Variants in ANKRD24 observed in about 807,000 individuals in gnomAD.
ANKRD24 encodes ankyrin repeat domain 24, also known as ankyrin repeat domain-containing protein 24.
Under a neutral mutation model 127.8 loss-of-function variants are expected in ANKRD24, and 109 were observed. That is an observed-to-expected ratio of 0.85 (90% confidence interval 0.73 to 1.00). ANKRD24 has a LOEUF of 1.00. Among genes scored for constraint, ANKRD24 ranks in the 50% least tolerant of loss-of-function variants. The pLI, the probability that ANKRD24 is intolerant of heterozygous loss-of-function variation, is 0.00. For synonymous variants in ANKRD24, 743 were observed against 671.1 expected (o/e 1.11, Z -1.66); for missense variants, 1,648 against 1,570.2 (o/e 1.05, Z -0.84).
In ANKRD24 at chr19:4,182,965, TTGTGTGTGTG is replaced by T. The variant is rs57280997; in HGVS notation, c.-37+250_-37+259del. 1.0e-3 allele frequency among the ~76,000 whole-genome samples: 142 copies of T among 138,682 alleles called. 1 individual carries two copies. In the South Asian group the frequency reaches 0.011, roughly 10 times the overall value. 91.0% of individuals were successfully genotyped at this position (138,682 alleles called of 152,430 possible). Reference sequence around the variant, plus strand: ...ACGCAGAGTTACCTGAATATCTCATTTGTGTGTGTGTGTGTGTGTGTGTGTGTGTGTGTGA... The same window carrying T: ...ACGCAGAGTTACCTGAATATCTCATTTGTGTGTGTGTGTGTGTGTGTGTGA... On this transcript the variant is annotated intron_variant, in intron 1 of 21. Coordinates refer to ENST00000318934, the MANE Select transcript of ANKRD24 (RefSeq NM_001393985.1).
Position 4,198,340 on chromosome 19 carries a change from C to A in ANKRD24, c.37-1343C>A. On this transcript the variant is annotated intron_variant, in intron 2 of 21. Transcript: ENST00000318934. This position sits in a 1 kb window ranked among gnomAD's most constrained non-coding sequence, Gnocchi z 6.1. ...GAGGGCAAGGGGGAGGGGGCGGCACCAGGGAGGGCGGGACCGGGCGGGCGG... is the reference window on the plus strand; with the variant it reads ...GAGGGCAAGGGGGAGGGGGCGGCACAAGGGAGGGCGGGACCGGGCGGGCGG... The A allele has an allele frequency of 1.7e-5, 1 of 58,322 alleles. No individual in the cohort carries two copies. The highest frequency in any genetic ancestry group is 3.3e-5 in the Non-Finnish European group (1 of 30,536). 3.6% of individuals were successfully genotyped at this position (58,322 alleles called of 1,614,324 possible). A position where few individuals can be genotyped will look rare whatever the true frequency, so the allele number is the denominator to read the frequency against.
At chr19:4,200,455 G>A (rs921308413) in intron 5 of ANKRD24, among the ~76,000 whole-genome samples, 3 of 152,066 alleles carry the variant, frequency 2.0e-5, no homozygotes, top group African/African-American at 7.2e-5. Flanking sequence ...GGAAGTAGCT[G>A]GCATGGGGAA....
Position 4,195,239 on chromosome 19 carries a change from AT to A in ANKRD24, c.37-4438del, listed in dbSNP as rs796819139. Among the ~76,000 whole-genome samples, 7 of 151,662 alleles carry A rather than the reference AT, an allele frequency of 4.6e-5. No homozygotes were observed. Among genetic ancestry groups the A allele is most frequent in the Non-Finnish European group, 7.4e-5 (5 of 67,910 alleles). ...AGGCGCCCACCACCACGCCCGGCTA[AT>A]TTTTTGTATTTTTAGTAGAGACGGG... On this transcript the variant is annotated intron_variant, in intron 2 of 21. Coordinates refer to ENST00000318934, the MANE Select transcript of ANKRD24 (RefSeq NM_001393985.1). The surrounding 1 kb of genome is among the most constrained non-coding windows in gnomAD (Gnocchi z 4.2).
intron 7 of ANKRD24, among the ~76,000 whole-genome samples, 158 bp downstream of exon 7, chr19:4,203,084 G>A (rs112467646): frequency 1.3e-3 from 191 of 150,436 alleles, no homozygotes; most frequent in African/African-American, 4.6e-3. Flanking sequence ...GTCTCACTCT[G>A]TTGCCCAGGC....
At chr19:4,210,398 G>GGGAGATT (rs1969652397) in intron 13 of ANKRD24, 26 bp downstream of exon 13, 5 of 1,442,898 alleles carry the variant, frequency 3.5e-6, no homozygotes, top group Non-Finnish European at 4.6e-6. Flanking sequence ...AGATTTGGGC[G>GGGAGATT]TGGGCCAGCC....
Position 4,203,030 on chromosome 19 carries a change from C to T in ANKRD24, c.466+104C>T. On this transcript the variant is annotated intron_variant, in intron 7 of 21. Transcript: ENST00000318934. The stretch of plus-strand genomic sequence containing the variant: ...GGGACCTGACCTGCTGTGAAGCTTC[C>T]TGTCTCCTCCTTTCTTTCTTTCTTT... 5.5e-6 allele frequency: 5 copies of T among 916,760 alleles called. No individual in the cohort carries two copies. The South Asian group carries it at 9.8e-5, about 18-fold the overall frequency. 56.8% of individuals were successfully genotyped at this position (916,760 alleles called of 1,614,324 possible). A position where few individuals can be genotyped will look rare whatever the true frequency, so the allele number is the denominator to read the frequency against.
At chr19:4,200,259 C>T in intron 5 of ANKRD24, 88 bp downstream of exon 5, 1 of 1,363,178 alleles carries the variant, frequency 7.3e-7, no homozygotes, top group Non-Finnish European at 9.9e-7. Context: ...TCCCAGGTCT[C>T]AATGTTCCCC....
At chr19:4,215,400 A>G (rs1202412250) in intron 15 of ANKRD24, among the ~76,000 whole-genome samples, 2 of 150,840 alleles carry the variant, frequency 1.3e-5, no homozygotes, top group Non-Finnish European at 2.9e-5. Flanking sequence ...CGGGAGAATC[A>G]CTTGAATCTG....
intron 19 of ANKRD24, among the ~76,000 whole-genome samples, chr19:4,222,157 G>A (rs924901733): frequency 6.6e-6 from 1 of 152,222 alleles, no homozygotes; most frequent in Non-Finnish European, 1.5e-5. Flanking sequence ...GGGAGGCCCA[G>A]GCAAGTGGAT....
intron 1 of ANKRD24, among the ~76,000 whole-genome samples, chr19:4,184,244 G>C (rs1209409327): frequency 6.6e-6 from 1 of 152,238 alleles, no homozygotes; most frequent in Non-Finnish European, 1.5e-5. Flanking sequence ...CCAGCTGGGA[G>C]TGGGTAACCG....
rs759324121 is a variant in ANKRD24, at chr19:4,202,889, C to T, written c.429C>T (p.Val143=). 2.5e-5 allele frequency: 39 copies of T among 1,591,024 alleles called. No homozygotes were observed. Among genetic ancestry groups the T allele is most frequent in the East Asian group, 1.6e-4 (7 of 43,478 alleles). Residue 143 remains valine (V), a synonymous_variant, in exon 7 of 22, where the codon GTC becomes GTT. Coordinates refer to ENST00000318934, the MANE Select transcript of ANKRD24 (RefSeq NM_001393985.1). Reference sequence around the variant, plus strand: ...CCCAGGCTTCCTGCGTGGTGGACGTCGTGGACAGCAGCGGGTGGACTGCCC... The same window carrying T: ...CCCAGGCTTCCTGCGTGGTGGACGTTGTGGACAGCAGCGGGTGGACTGCCC... ...QLLQASCVVD[V]VDSSGWTALH... is the part of the protein sequence containing the mutation.
At chr19:4,186,177 C>A in intron 1 of ANKRD24, 1 of 1,139,102 alleles carries the variant, frequency 8.8e-7, no homozygotes, top group Non-Finnish European at 1.2e-6. Flanking sequence ...TCATTTCTGT[C>A]ACTGTATAGA....
At chr19:4,187,828 G>A (rs184020737) in intron 2 of ANKRD24, among the ~76,000 whole-genome samples, 35 of 152,286 alleles carry the variant, frequency 2.3e-4, no homozygotes, top group Admixed American at 4.6e-4. Context: ...AGGTGGCACC[G>A]GAGCAGAGCC....
chr19:4,224,559 C>G lies in ANKRD24; in HGVS notation c.*54C>G, dbSNP rs1221639307. On this transcript the variant is annotated 3_prime_UTR_variant, in exon 22 of 22. Coordinates refer to ENST00000318934, the MANE Select transcript of ANKRD24 (RefSeq NM_001393985.1). ...CCACACCCACGCAGGGACCTCACCCCCCTGCAGGCCCCTTGCAGACCGGCT... is the reference window on the plus strand; with the variant it reads ...CCACACCCACGCAGGGACCTCACCCGCCTGCAGGCCCCTTGCAGACCGGCT... 2.7e-6 allele frequency: 4 copies of G among 1,500,288 alleles called. No individual in the cohort carries two copies. Among genetic ancestry groups the G allele is most frequent in the East Asian group, 4.8e-5 (2 of 41,256 alleles). The allele number at this position is 1,500,288 out of a possible 1,614,324, so 92.9% of individuals were successfully genotyped here. A position where few individuals can be genotyped will look rare whatever the true frequency, so the allele number is the denominator to read the frequency against.
In ANKRD24 at chr19:4,203,182, G is replaced by A. The variant is rs138879176; in HGVS notation, c.466+256G>A. Among the ~76,000 whole-genome samples the A allele has an allele frequency of 7.4e-3, 1,125 of 152,114 alleles. 12 individuals carry two copies. Among genetic ancestry groups the A allele is most frequent in the African/African-American group, 0.026 (1,086 of 41,506 alleles). ...CCTGCCTCAGCCTCCCGAGTAGCTGGGACTAGAGGCACCTGCCACCACACC... is the reference window on the plus strand; with the variant it reads ...CCTGCCTCAGCCTCCCGAGTAGCTGAGACTAGAGGCACCTGCCACCACACC... On this transcript the variant is annotated intron_variant, in intron 7 of 21. Transcript: ENST00000318934.
At position 4,219,609 on chromosome 19, in the gene ANKRD24, T is replaced by A. The variant is rs1970333818; in HGVS notation, c.3022T>A (p.Phe1008Ile). 4.3e-6 allele frequency: 7 copies of A among 1,612,582 alleles called. No individual in the cohort carries two copies. The highest frequency in any genetic ancestry group is 5.9e-6 in the Non-Finnish European group (7 of 1,178,990). Reference protein sequence around the residue: ...EVFQVQREALFMKSERHAAEA... With the variant: ...EVFQVQREALIMKSERHAAEA... The stretch of plus-strand genomic sequence containing the variant: ...GCCACAGGTGCAGCGTGAGGCCCTG[T>A]TCATGAAGAGTGAGCGACACGCAGC... The change falls in exon 19 of 22, where the codon TTC becomes ATC. Residue 1008 changes from phenylalanine (F) to isoleucine (I), a missense_variant. By Grantham distance (21) the Phe-to-Ile change is conservative. Transcript: ENST00000318934.
At chr19:4,203,690 AG>A (rs1969223678) in intron 7 of ANKRD24, among the ~76,000 whole-genome samples, 1 of 151,450 alleles carries the variant, frequency 6.6e-6, no homozygotes, top group South Asian at 2.1e-4. Flanking sequence ...TCTGTCGCCC[AG>A]GGTGGAGTGC....
At chr19:4,203,461 C>T (rs1599425425) in intron 7 of ANKRD24, among the ~76,000 whole-genome samples, 1 of 152,166 alleles carries the variant, frequency 6.6e-6, no homozygotes, top group African/African-American at 2.4e-5. Flanking sequence ...ATCCTCCTGC[C>T]TCAGACTCCC....
At chr19:4,185,630 CCCACACTCAACG>C (rs763991376) in intron 1 of ANKRD24, among the ~76,000 whole-genome samples, 3 of 152,338 alleles carry the variant, frequency 2.0e-5, no homozygotes, top group South Asian at 2.1e-4. Flanking sequence ...GTGCACACGC[CCCACACTCAACG>C]TCACACACAT....
Sources: allele counts gnomAD v4.1 joint callset (sites outside exome capture counted in the v4.1 genomes callset), GRCh38; gene constraint gnomAD v4.1.1; non-coding constraint Gnocchi (gnomAD v3.1); transcripts MANE v1.5; gene names NCBI Gene and HGNC (gene_info 2026-07-23, HGNC 2026-07-21).